FTO: variants seen among roughly 807,000 people sequenced by gnomAD.
FTO encodes the protein alpha-ketoglutarate-dependent dioxygenase FTO.
FTO carries 47 observed loss-of-function variants against 63.9 expected under a neutral mutation model. The observed-to-expected ratio is 0.74, with a 90% CI of 0.58 to 0.94. The LOEUF is 0.94. Ranked by LOEUF, FTO falls within the 40% of genes least tolerant of loss-of-function variation. FTO has a pLI of 0.00. For missense variants in FTO, 562 were observed against 618.1 expected (o/e 0.91, Z 0.96); for synonymous variants, 207 against 224.4 (o/e 0.92, Z 0.69).
chr16:54,039,528 A>T (rs1401422475), intron 8 of FTO: 1 of 152,240 alleles, frequency 6.6e-6, no homozygotes, highest in Non-Finnish European at 1.5e-5. Flanking sequence ...TCATCCACTG[A>T]TGTTTTTCAT....
At chr16:54,005,821 G>A (rs1413110880) in intron 8 of FTO, among the ~76,000 whole-genome samples, 1 of 152,184 alleles carries the variant, frequency 6.6e-6, no homozygotes, top group Non-Finnish European at 1.5e-5. Context: ...ACCCAGATTG[G>A]AGAGTTTTCT....
chr16:54,023,991 T>C (rs148795088), intron 8 of FTO, among the ~76,000 whole-genome samples: 215 of 152,338 alleles, frequency 1.4e-3, no homozygotes, highest in African/African-American at 4.9e-3. Context: ...TAAAGACTGA[T>C]AATGCGTTGT....
rs928680790 is a variant in FTO, at chr16:53,962,862, A to G, written c.1364+28753A>G. Among the ~76,000 whole-genome samples, 22 of 152,282 alleles carry G rather than the reference A, an allele frequency of 1.4e-4. 1 individual carries two copies. The highest frequency in any genetic ancestry group is 5.3e-4 in the African/African-American group (22 of 41,554). ...CAGCAAAGTTCAGCATGAGAAATGT[A>G]TATTTTCTTTCCCCACTGAGAAAAT... On this transcript the variant is annotated intron_variant, in intron 8 of 8. Coordinates refer to ENST00000471389, the MANE Select transcript of FTO (RefSeq NM_001080432.3).
At position 53,914,413 on chromosome 16, in the gene FTO, G is replaced by A. The variant is rs182554634; in HGVS notation, c.1240-19572G>A. 2.5e-3 allele frequency among the ~76,000 whole-genome samples: 385 copies of A among 151,688 alleles called. 1 individual carries two copies. Among genetic ancestry groups the A allele is most frequent in the African/African-American group, 8.9e-3 (369 of 41,362 alleles). ...AGAATAGAAACTTTTCTTCAGTAAC[G>A]TCTTTTTTTGGAAAGTAAGTTACAA... On this transcript the variant is annotated intron_variant, in intron 7 of 8. Coordinates refer to ENST00000471389, the MANE Select transcript of FTO (RefSeq NM_001080432.3).
At chr16:53,968,838 T>C (rs2083253591) in intron 8 of FTO, among the ~76,000 whole-genome samples, 1 of 152,206 alleles carries the variant, frequency 6.6e-6, no homozygotes, top group African/African-American at 2.4e-5. Flanking sequence ...AAGGAGGATA[T>C]TTGAAAGTTT....
rs2085928416 is a variant in FTO, at chr16:54,073,944, G to GCAC, written c.1365-37815_1365-37813dup. Among the ~76,000 whole-genome samples, 3 of 152,030 alleles carry GCAC rather than the reference G, an allele frequency of 2.0e-5. No homozygotes were observed. In the South Asian group the frequency reaches 6.2e-4, roughly 32 times the overall value. Reference sequence around the variant, plus strand: ...AGCAGTTGTTAACAACCAATTGTTTGCACCAAACCCAAGGGCTTGATTTCC... The same window carrying GCAC: ...AGCAGTTGTTAACAACCAATTGTTTGCACCACCAAACCCAAGGGCTTGATTTCC... On this transcript the variant is annotated intron_variant, in intron 8 of 8. Transcript: ENST00000471389.
intron 1 of FTO, among the ~76,000 whole-genome samples, chr16:53,711,952 G>A (rs893744336): frequency 2.0e-5 from 3 of 152,164 alleles, no homozygotes; most frequent in Non-Finnish European, 4.4e-5. Flanking sequence ...TTGGCCAAAT[G>A]CAGTGGCTTA....
intron 8 of FTO, among the ~76,000 whole-genome samples, chr16:53,958,686 C>T (rs1450650770): frequency 6.6e-6 from 1 of 152,206 alleles, no homozygotes; most frequent in African/African-American, 2.4e-5. Flanking sequence ...AGACAATTGG[C>T]CACAGGCTGG....
chr16:53,870,112 A>G (rs560200576), intron 4 of FTO, among the ~76,000 whole-genome samples: 3 of 152,222 alleles, frequency 2.0e-5, no homozygotes, highest in East Asian at 3.9e-4. Flanking sequence ...CTTAGTTCCA[A>G]TAGGATGGCT....
intron 1 of FTO, among the ~76,000 whole-genome samples, chr16:53,773,579 C>T (rs1268239216): frequency 6.6e-6 from 1 of 152,116 alleles, no homozygotes; most frequent in African/African-American, 2.4e-5. Flanking sequence ...GGGGTACTTA[C>T]CAACACCTCA....
intron 1 of FTO, among the ~76,000 whole-genome samples, chr16:53,804,678 C>G (rs532450411): frequency 9.2e-5 from 13 of 140,944 alleles, no homozygotes; most frequent in Non-Finnish European, 4.5e-5. Flanking sequence ...TGTCACCATG[C>G]AGCGGTGACT....
At chr16:54,057,483 T>C (rs1366866772) in intron 8 of FTO, among the ~76,000 whole-genome samples, 1 of 152,222 alleles carries the variant, frequency 6.6e-6, no homozygotes, top group African/African-American at 2.4e-5. Flanking sequence ...TTTTTTGTTT[T>C]GACACGGTCT....
chr16:54,077,572 T>G (rs1191126926), intron 8 of FTO, among the ~76,000 whole-genome samples: 1 of 152,116 alleles, frequency 6.6e-6, no homozygotes, highest in African/African-American at 2.4e-5. Flanking sequence ...ATTGCCACCT[T>G]AAGACACGGG....
chr16:53,939,650 C>T (rs1039944617), intron 8 of FTO, among the ~76,000 whole-genome samples: 3 of 152,162 alleles, frequency 2.0e-5, no homozygotes, highest in Admixed American at 6.6e-5. Context: ...GAGCAACCAC[C>T]AGTCTACTTT....
chr16:53,890,768 T>C (rs1482402800), intron 7 of FTO, among the ~76,000 whole-genome samples: 2 of 152,236 alleles, frequency 1.3e-5, no homozygotes, highest in Non-Finnish European at 2.9e-5. Context: ...AAGCCTGTTA[T>C]GAGTACTCTC....
chr16:53,858,710 G>C (rs971728625), intron 4 of FTO, among the ~76,000 whole-genome samples: 1 of 152,006 alleles, frequency 6.6e-6, no homozygotes. Context: ...ACCCAGGCTG[G>C]AGGGCAGTGG....
chr16:53,849,363 A>T (rs1195938254), intron 4 of FTO, among the ~76,000 whole-genome samples: 1 of 152,220 alleles, frequency 6.6e-6, no homozygotes, highest in Non-Finnish European at 1.5e-5. Context: ...GGCATATTGG[A>T]GAACCAGTGA....
intron 8 of FTO, among the ~76,000 whole-genome samples, chr16:53,949,596 C>T (rs1022136838): frequency 3.3e-5 from 5 of 151,318 alleles, no homozygotes; most frequent in South Asian, 4.2e-4. Context: ...CAAAGAAACA[C>T]GAATGTCTAT....
At chr16:54,062,173 C>T (rs1599299012) in intron 8 of FTO, among the ~76,000 whole-genome samples, 1 of 152,216 alleles carries the variant, frequency 6.6e-6, no homozygotes, top group Non-Finnish European at 1.5e-5. Flanking sequence ...AAGCAGTCAA[C>T]TCGTGGAAAT....
Sources: gnomAD v4.1 joint callset for allele counts (sites outside exome capture counted in the v4.1 genomes callset) on GRCh38, gnomAD v4.1.1 for gene constraint, MANE v1.5 for transcripts, NCBI Gene and HGNC (gene_info 2026-07-23, HGNC 2026-07-21) for gene names.